ROBO2: variants seen among roughly 807,000 people sequenced by gnomAD.
ROBO2 encodes roundabout guidance receptor 2.
ROBO2 carries 53 observed loss-of-function variants against 160.8 expected under a neutral mutation model. The ratio of observed to expected loss-of-function variants is 0.33; its 90% CI spans 0.26 to 0.41. The LOEUF (loss-of-function observed/expected upper bound fraction) is 0.41, where lower values mean the gene tolerates loss of function less well. ROBO2 is among the 10% of genes least tolerant of loss of function. The pLI is 1.00. For missense variants in ROBO2, 1,577 were observed against 1,722.4 expected (o/e 0.92, Z 1.49); for synonymous variants, 664 against 611.7 (o/e 1.09, Z -1.26).
rs186723896 is a variant in ROBO2, at chr3:77,569,905, A to C, written c.1971+1471A>C. Among the ~76,000 whole-genome samples the C allele has an allele frequency of 3.4e-3, 522 of 152,060 alleles. 3 individuals carry two copies. Among genetic ancestry groups the C allele is most frequent in the Middle Eastern group, 0.027 (8 of 294 alleles). On this transcript the variant is annotated intron_variant, in intron 13 of 25. Coordinates refer to ENST00000461745, the Ensembl canonical transcript of ROBO2. ...TGATTATTTAGGATTACACTTTCTT[A>C]TTCCAGTTTTGACATAATTTTGCAT...
chr3:76,458,023 G>A (rs1227841919), intron 2 of ROBO2, among the ~76,000 whole-genome samples: 1 of 152,120 alleles, frequency 6.6e-6, no homozygotes, highest in African/African-American at 2.4e-5. Context: ...CCATGTCTCT[G>A]ACATGGCCTG....
chr3:76,323,870 C>G (rs1375063443), intron 2 of ROBO2, among the ~76,000 whole-genome samples: 1 of 152,174 alleles, frequency 6.6e-6, no homozygotes, highest in Non-Finnish European at 1.5e-5. Context: ...GCTTTTCACT[C>G]TACATTAAAT....
intron 2 of ROBO2, among the ~76,000 whole-genome samples, chr3:76,364,619 T>A (rs1576683791): frequency 6.6e-6 from 1 of 152,204 alleles, no homozygotes; most frequent in East Asian, 1.9e-4. Context: ...GTTTTATTAT[T>A]CTTGTTATAG....
chr3:76,823,862 AG>A (rs1407453604), intron 2 of ROBO2, among the ~76,000 whole-genome samples: 10 of 152,216 alleles, frequency 6.6e-5, no homozygotes, highest in Non-Finnish European at 1.5e-4. Flanking sequence ...ATAAGAAAAA[AG>A]AATAATAGTG....
At chr3:76,143,998 T>TC (rs921508034) in intron 2 of ROBO2, among the ~76,000 whole-genome samples, 5 of 151,010 alleles carry the variant, frequency 3.3e-5, no homozygotes, top group African/African-American at 1.2e-4. Flanking sequence ...TTGGATGAGG[T>TC]CCCCCCTACA....
intron 2 of ROBO2, among the ~76,000 whole-genome samples, chr3:76,191,478 C>T (rs1021988132): frequency 7.3e-6 from 1 of 136,948 alleles, no homozygotes; most frequent in Non-Finnish European, 1.6e-5. Flanking sequence ...CCCAACAACT[C>T]AGACATCCCG....
At chr3:76,657,723 CAT>C (rs1435474432) in intron 2 of ROBO2, among the ~76,000 whole-genome samples, 18 of 127,488 alleles carry the variant, frequency 1.4e-4, no homozygotes, top group East Asian at 4.2e-4. Context: ...TATATATATT[CAT>C]ATATGAGTGT....
At chr3:76,391,873 GA>G (rs1310686295) in intron 2 of ROBO2, among the ~76,000 whole-genome samples, 1 of 152,128 alleles carries the variant, frequency 6.6e-6, no homozygotes, top group Non-Finnish European at 1.5e-5. Context: ...CAAAAATAGT[GA>G]AAATCAATGC....
intron 2 of ROBO2, among the ~76,000 whole-genome samples, chr3:76,030,213 G>A (rs1205906432): frequency 1.3e-5 from 2 of 152,060 alleles, no homozygotes; most frequent in Admixed American, 6.6e-5. Context: ...TGATGGGGTC[G>A]TTTGCTTTTT....
At chr3:77,493,794 G>A (rs1481753376) in intron 5 of ROBO2, among the ~76,000 whole-genome samples, 1 of 152,104 alleles carries the variant, frequency 6.6e-6, no homozygotes, top group Non-Finnish European at 1.5e-5. Flanking sequence ...ACTAACAAAA[G>A]ACTATTGCAT....
intron 2 of ROBO2, among the ~76,000 whole-genome samples, chr3:76,791,672 C>G (rs1284811703): frequency 2.0e-5 from 3 of 151,704 alleles, no homozygotes; most frequent in Non-Finnish European, 1.5e-5. Flanking sequence ...GCTGAACCAA[C>G]CAACTAAGCT....
At chr3:76,909,468 TCATG>T (rs1412588879) in intron 2 of ROBO2, among the ~76,000 whole-genome samples, 3 of 152,118 alleles carry the variant, frequency 2.0e-5, no homozygotes, top group African/African-American at 7.2e-5. Context: ...TGTTCACTGT[TCATG>T]GGATGAGCAC....
Position 76,722,264 on chromosome 3 carries a change from G to A in ROBO2, c.110-375750G>A, listed in dbSNP as rs182719304. Among the ~76,000 whole-genome samples the A allele has an allele frequency of 8.5e-4, 129 of 152,150 alleles. 2 individuals are homozygous for A. Among genetic ancestry groups the A allele is most frequent in the East Asian group, 7.7e-4 (4 of 5,164 alleles). On this transcript the variant is annotated intron_variant, in intron 2 of 26. Coordinates refer to the ROBO2 transcript ENST00000487694. ...GTCTCCCAAGTAGCCGGGATTACAG[G>A]TGCCTGCCACCCACGCCTGGCTAAT...
intron 2 of ROBO2, among the ~76,000 whole-genome samples, chr3:76,227,322 C>G (rs1704350228): frequency 6.6e-6 from 1 of 152,110 alleles, no homozygotes; most frequent in African/African-American, 2.4e-5. Context: ...AATTATATTA[C>G]TTTTATTTGC....
At chr3:77,320,659 A>T (rs371631456) in intron 2 of ROBO2, among the ~76,000 whole-genome samples, 24 of 152,266 alleles carry the variant, frequency 1.6e-4, no homozygotes, top group African/African-American at 4.6e-4. Flanking sequence ...TGACCAGACA[A>T]GGGAGAGGAC....
intron 2 of ROBO2, among the ~76,000 whole-genome samples, chr3:76,120,782 T>A (rs913306795): frequency 2.0e-5 from 3 of 152,172 alleles, no homozygotes; most frequent in Non-Finnish European, 4.4e-5. Flanking sequence ...ACCTCTCAAA[T>A]TATCTTGTTC....
chr3:77,279,045 G>A (rs1230848383), intron 2 of ROBO2, among the ~76,000 whole-genome samples: 1 of 152,038 alleles, frequency 6.6e-6, no homozygotes, highest in Admixed American at 6.5e-5. Flanking sequence ...TTAGATTCTA[G>A]ACCTCGATAT....
chr3:76,671,131 A>G (rs2092247677), intron 2 of ROBO2, among the ~76,000 whole-genome samples: 1 of 152,192 alleles, frequency 6.6e-6, no homozygotes, highest in African/African-American at 2.4e-5. Flanking sequence ...TCTTCTCTAA[A>G]TAGTCATGTA....
At chr3:77,249,456 T>C (rs1322292678) in intron 2 of ROBO2, among the ~76,000 whole-genome samples, 1 of 152,196 alleles carries the variant, frequency 6.6e-6, no homozygotes, top group African/African-American at 2.4e-5. Flanking sequence ...GGAATTTGCA[T>C]AGAAAAAGGC....
Sources: gnomAD v4.1 joint callset for allele counts (sites outside exome capture counted in the v4.1 genomes callset) on GRCh38, gnomAD v4.1.1 for gene constraint, MANE v1.5 for transcripts, NCBI Gene and HGNC (gene_info 2026-07-23, HGNC 2026-07-21) for gene names.